The following NSUN7 variants were observed in gnomAD, a reference collection of about 807,000 sequenced individuals.
NSUN7 encodes protein NSUN7.
Under a neutral mutation model 58.5 loss-of-function variants are expected in NSUN7, and 39 were observed. The ratio of observed to expected loss-of-function variants is 0.67; its 90% confidence interval spans 0.52 to 0.87. The LOEUF is 0.87. Ranked by LOEUF, NSUN7 falls within the 40% of genes least tolerant of loss-of-function variation. The pLI is 0.00. For synonymous variants in NSUN7, 278 were observed against 303.7 expected (o/e 0.92, Z 0.88); for missense variants, 765 against 844.1 (o/e 0.91, Z 1.16).
At chr4:40,774,142 C>T (rs1742150339) in intron 4 of NSUN7, 123 bp from the exon 5 acceptor site, 6 of 941,390 alleles carry the variant, frequency 6.4e-6, no homozygotes. Context: ...TTTTAGACTT[C>T]AAAAATTTGA....
chr4:40,757,096 G>C (rs1577540160), intron 2 of NSUN7, among the ~76,000 whole-genome samples: 1 of 152,186 alleles, frequency 6.6e-6, no homozygotes, highest in Non-Finnish European at 1.5e-5. Flanking sequence ...GGGCATGGTG[G>C]TGGGTGCCTG....
chr4:40,788,583 A>C (rs1011393258), intron 7 of NSUN7, among the ~76,000 whole-genome samples: 1 of 152,216 alleles, frequency 6.6e-6, no homozygotes, highest in Admixed American at 6.5e-5. Context: ...TCCATTGCCA[A>C]CTGCCTCTGT....
intron 11 of NSUN7, among the ~76,000 whole-genome samples, chr4:40,807,478 T>C (rs1743857400): frequency 6.6e-6 from 1 of 151,808 alleles, no homozygotes; most frequent in Non-Finnish European, 1.5e-5. Context: ...CTCAACCTAG[T>C]AGCTGGGATT....
chr4:40,769,056 C>T lies in NSUN7; in HGVS notation c.489-5209C>T, dbSNP rs561203769. ...ATCCTTGATTCTTCTTTCCTCCCCT[C>T]CCCTGCACTCAATCTGTGTCTAATG... On this transcript the variant is annotated intron_variant, in intron 4 of 11. Coordinates refer to ENST00000381782, the MANE Select transcript of NSUN7 (RefSeq NM_024677.6). Among the ~76,000 whole-genome samples, 56 of 152,320 alleles carry T rather than the reference C, an allele frequency of 3.7e-4. 2 individuals carry two copies. Among genetic ancestry groups the T allele is most frequent in the Admixed American group, 2.7e-3 (42 of 15,308 alleles).
At chr4:40,806,454 A>G (rs971778865) in intron 10 of NSUN7, among the ~76,000 whole-genome samples, 20 of 152,222 alleles carry the variant, frequency 1.3e-4, no homozygotes, top group Non-Finnish European at 2.8e-4. Context: ...TGATAAATTC[A>G]TATTAAACAT....
Position 40,798,893 on chromosome 4 carries a change from A to T in NSUN7, c.1389A>T (p.Gly463=), listed in dbSNP as rs1241400791. Residue 463 remains glycine, a synonymous_variant, in exon 10 of 12, where the codon GGA becomes GGT. Coordinates refer to ENST00000381782, the MANE Select transcript of NSUN7 (RefSeq NM_024677.6). ...ALEFQDLGNK[G]QPYRLSPPVL... ...AATTTCAAGACCTTGGGAATAAAGG[A>T]CAACCTTACAGGTAAGAAAAGGAAG... The T allele has an allele frequency of 6.4e-7, 1 of 1,570,310 alleles. No individual in the cohort carries two copies. The highest frequency in any genetic ancestry group is 8.8e-7 in the Non-Finnish European group (1 of 1,141,410).
chr4:40,785,995 G>C (rs1260534780), intron 7 of NSUN7: 1 of 1,367,938 alleles, frequency 7.3e-7, no homozygotes, highest in African/African-American at 1.5e-5. Flanking sequence ...GAGAGACGCT[G>C]AGTGAAGAAG....
In NSUN7 at chr4:40,809,426, C is replaced by A. The variant is rs1744061845; in HGVS notation, c.*487C>A. 6.6e-6 allele frequency: 1 copy of A among 152,412 alleles called. No individual in the cohort carries two copies. Among genetic ancestry groups the A allele is most frequent in the South Asian group, 2.1e-4 (1 of 4,834 alleles). The allele number at this position is 152,412 out of a possible 1,614,324, so 9.4% of individuals were successfully genotyped here. Reference sequence around the variant, plus strand: ...ATTTTTTCTTAAATATCAAGCTGTTCTTTGAACAGGGAATGAACATGAGTT... The same window carrying A: ...ATTTTTTCTTAAATATCAAGCTGTTATTTGAACAGGGAATGAACATGAGTT... On this transcript the variant is annotated 3_prime_UTR_variant, in exon 12 of 12. Transcript: ENST00000381782.
intron 10 of NSUN7, 65 bp from the exon 11 acceptor site, chr4:40,806,996 A>G: frequency 6.6e-7 from 1 of 1,504,114 alleles, no homozygotes; most frequent in Non-Finnish European, 8.9e-7. Context: ...AGTGTAATTT[A>G]CTTTCTTCCT....
chr4:40,753,596 T>C (rs1345771604), intron 2 of NSUN7, among the ~76,000 whole-genome samples: 4 of 152,254 alleles, frequency 2.6e-5, no homozygotes, highest in Non-Finnish European at 5.9e-5. Flanking sequence ...TAAACCTTTA[T>C]GAAACTTCTT....
At chr4:40,803,653 A>G (rs1264165380) in intron 10 of NSUN7, among the ~76,000 whole-genome samples, 1 of 152,220 alleles carries the variant, frequency 6.6e-6, no homozygotes, top group East Asian at 1.9e-4. Flanking sequence ...ATACTATGCA[A>G]TTCACCATTT....
chr4:40,763,320 T>A (rs1453299134), intron 4 of NSUN7, among the ~76,000 whole-genome samples: 1 of 152,220 alleles, frequency 6.6e-6, no homozygotes, highest in Non-Finnish European at 1.5e-5. Flanking sequence ...TGCGCCTGTT[T>A]ACTTTGTGTC....
chr4:40,764,328 T>C (rs946253568), intron 4 of NSUN7, among the ~76,000 whole-genome samples: 2 of 149,064 alleles, frequency 1.3e-5, no homozygotes, highest in Non-Finnish European at 3.0e-5. Context: ...GAACATGCAG[T>C]GTTTGGTTTT....
intron 4 of NSUN7, among the ~76,000 whole-genome samples, chr4:40,772,020 CAT>C: frequency 6.6e-6 from 1 of 152,002 alleles, no homozygotes; most frequent in South Asian, 2.1e-4. Flanking sequence ...ATTTTAAGAA[CAT>C]ATGGATTTGA....
rs1441544537 is a variant in NSUN7, at chr4:40,786,090, G to A, written c.1037-4512G>A. On this transcript the variant is annotated intron_variant, in intron 7 of 11. Coordinates refer to ENST00000381782, the MANE Select transcript of NSUN7 (RefSeq NM_024677.6). ...AAGAAGAGAAAAGCATTTCAATTTG[G>A]GACATTTATTTGCACCTGGAAATGG... is the stretch of plus-strand genomic sequence containing the variant. The A allele has an allele frequency of 2.6e-6, 4 of 1,543,392 alleles. No homozygotes were observed. In the African/African-American group the frequency reaches 4.1e-5, roughly 16 times the overall value.
intron 7 of NSUN7, chr4:40,786,095 T>G: frequency 1.3e-6 from 2 of 1,544,922 alleles, no homozygotes; most frequent in Non-Finnish European, 1.7e-6. Flanking sequence ...ATTTGGGACA[T>G]TTATTTGCAC....
intron 11 of NSUN7, among the ~76,000 whole-genome samples, chr4:40,807,593 G>T (rs2154289643): frequency 6.6e-6 from 1 of 151,942 alleles, no homozygotes; most frequent in South Asian, 2.1e-4. Context: ...TGATCCACTT[G>T]CCTCGGCCTC....
intron 7 of NSUN7, among the ~76,000 whole-genome samples, chr4:40,790,343 A>AT (rs1228941260): frequency 6.6e-6 from 1 of 152,152 alleles, no homozygotes; most frequent in East Asian, 1.9e-4. Context: ...CCCCTACTAT[A>AT]TATCCTGCAG....
intron 2 of NSUN7, among the ~76,000 whole-genome samples, chr4:40,754,719 G>A (rs1741053349): frequency 6.6e-6 from 1 of 152,156 alleles, no homozygotes; most frequent in Admixed American, 6.5e-5. Context: ...TTGTGAACAG[G>A]TAATTAAATC....
Sources: gnomAD v4.1 joint callset for allele counts (sites outside exome capture counted in the v4.1 genomes callset) on GRCh38, gnomAD v4.1.1 for gene constraint, MANE v1.5 for transcripts, NCBI Gene and HGNC (gene_info 2026-07-23, HGNC 2026-07-21) for gene names.